Variants in RBFOX1 observed in about 807,000 individuals in gnomAD.
RBFOX1 encodes RNA binding protein fox-1 homolog 1.
A neutral mutation model predicts 57.7 loss-of-function variants in RBFOX1; 8 were observed. That is an observed-to-expected ratio of 0.14 (90% CI 0.08 to 0.25). The LOEUF is 0.25. RBFOX1 is among the 10% of genes least tolerant of loss of function. The probability of loss-of-function intolerance (pLI) is 1.00; values close to 1 mark genes in which losing one functional copy is unlikely to be tolerated. For missense variants in RBFOX1, 611 were observed against 548.5 expected (o/e 1.11, Z -1.14); for synonymous variants, 326 against 222.4 (o/e 1.47, Z -4.15).
At position 5,451,059 on chromosome 16, in the gene RBFOX1, C is replaced by T. The variant is rs536511901; in HGVS notation, c.220-16157C>T. Among the ~76,000 whole-genome samples, 17 of 152,282 alleles carry T rather than the reference C, an allele frequency of 1.1e-4. No homozygotes were observed. The East Asian group carries it at 3.1e-3, about 28-fold the overall frequency. ...CAGTGCCTGGTACAGAGTGGGCACTCGAGGAATGGCAGATATACACTCAAA... is the reference window on the plus strand; with the variant it reads ...CAGTGCCTGGTACAGAGTGGGCACTTGAGGAATGGCAGATATACACTCAAA... On this transcript the variant is annotated intron_variant, in intron 1 of 2. Coordinates refer to the RBFOX1 transcript ENST00000585867.
At chr16:6,756,973 CTCAA>C (rs2075889382) in intron 3 of RBFOX1, among the ~76,000 whole-genome samples, 1 of 123,488 alleles carries the variant, frequency 8.1e-6, no homozygotes, top group Non-Finnish European at 1.7e-5. Flanking sequence ...GAAACTCCAT[CTCAA>C]ACAAACAGAC....
At position 6,317,008 on chromosome 16, in the gene RBFOX1, G is replaced by T. The variant is rs907624145; in HGVS notation, c.-113G>T. Reference sequence around the variant, plus strand: ...TTTCTTCTTTAGGAAACTGGTCAAAGAACTCATGCAAGTGGAACTTACAGC... The same window carrying T: ...TTTCTTCTTTAGGAAACTGGTCAAATAACTCATGCAAGTGGAACTTACAGC... On this transcript the variant is annotated 5_prime_UTR_variant, in exon 2 of 16. Transcript: ENST00000550418. 4 of 1,535,384 alleles carry T rather than the reference G, an allele frequency of 2.6e-6. No individual in the cohort carries two copies. Among genetic ancestry groups the T allele is most frequent in the African/African-American group, 1.4e-5 (1 of 72,996 alleles).
chr16:6,999,457 C>T (rs1006039585), intron 3 of RBFOX1, among the ~76,000 whole-genome samples: 30 of 151,130 alleles, frequency 2.0e-4, no homozygotes, highest in East Asian at 3.9e-4. Context: ...TTATTTGAGA[C>T]GGAGTCTTGC....
chr16:7,101,395 T>C (rs892124254), intron 4 of RBFOX1, among the ~76,000 whole-genome samples: 10 of 152,198 alleles, frequency 6.6e-5, no homozygotes, highest in African/African-American at 2.2e-4. Flanking sequence ...AAGGAAACTC[T>C]TGGATTTCGT....
At chr16:6,959,469 G>T (rs1322136851) in intron 3 of RBFOX1, among the ~76,000 whole-genome samples, 1 of 152,084 alleles carries the variant, frequency 6.6e-6, no homozygotes, top group East Asian at 1.9e-4. Context: ...CTTGTTTCTA[G>T]GCCTGATCTC....
At chr16:5,876,055 G>A (rs1297052796) in intron 4 of RBFOX1, among the ~76,000 whole-genome samples, 1 of 152,076 alleles carries the variant, frequency 6.6e-6, no homozygotes, top group African/African-American at 2.4e-5. Context: ...GTGTTAGCCA[G>A]GGTAGTCTTG....
At chr16:6,320,228 G>A (rs116947993) in intron 2 of RBFOX1, among the ~76,000 whole-genome samples, 3,015 of 152,228 alleles carry the variant, frequency 0.02, 44 homozygotes, top group South Asian at 0.051. Context: ...TATCACACAG[G>A]AGATTAGACT....
At chr16:6,385,015 C>G (rs1004314115) in intron 2 of RBFOX1, among the ~76,000 whole-genome samples, 1 of 152,178 alleles carries the variant, frequency 6.6e-6, no homozygotes, top group Non-Finnish European at 1.5e-5. Flanking sequence ...AGCACCCCCT[C>G]CCTGTTTGCT....
At chr16:5,933,349 A>T (rs577168962) in intron 4 of RBFOX1, among the ~76,000 whole-genome samples, 1 of 152,130 alleles carries the variant, frequency 6.6e-6, no homozygotes, top group Non-Finnish European at 1.5e-5. Flanking sequence ...CCCTGAGGCA[A>T]ACTGAGGGCA....
chr16:7,580,047 C>A, intron 6 of RBFOX1, 127 bp downstream of exon 6: 1 of 1,017,414 alleles, frequency 9.8e-7, no homozygotes, highest in Non-Finnish European at 1.4e-6. Context: ...CAATTTAGAG[C>A]CTAGTCTGCA....
chr16:7,428,549 T>C (rs1237296151), intron 4 of RBFOX1, among the ~76,000 whole-genome samples: 1 of 145,814 alleles, frequency 6.9e-6, no homozygotes, highest in Non-Finnish European at 1.5e-5. Context: ...ATTTGTAGTT[T>C]TAGTAGAGAC....
chr16:7,593,619 C>G (rs1457298922), intron 7 of RBFOX1, among the ~76,000 whole-genome samples: 1 of 152,076 alleles, frequency 6.6e-6, no homozygotes, highest in Non-Finnish European at 1.5e-5. Context: ...ATACAGTTCA[C>G]CCTTGAACAA....
At chr16:7,236,127 T>A (rs2093753993) in intron 4 of RBFOX1, among the ~76,000 whole-genome samples, 1 of 152,220 alleles carries the variant, frequency 6.6e-6, no homozygotes, top group South Asian at 2.1e-4. Flanking sequence ...TTTTCTTGTT[T>A]GTGTCATATC....
intron 1 of RBFOX1, among the ~76,000 whole-genome samples, chr16:6,081,008 T>A (rs1221831706): frequency 2.0e-5 from 3 of 152,330 alleles, no homozygotes; most frequent in Non-Finnish European, 4.4e-5. Context: ...TGAAGCCTCC[T>A]GAGAGGGGAA....
intron 1 of RBFOX1, among the ~76,000 whole-genome samples, chr16:5,451,815 C>T (rs2068433157): frequency 6.6e-6 from 1 of 152,150 alleles, no homozygotes; most frequent in African/African-American, 2.4e-5. Context: ...CCAGCCCTTT[C>T]AAGTTTTACT....
intron 3 of RBFOX1, among the ~76,000 whole-genome samples, chr16:6,985,954 G>A (rs977207929): frequency 6.7e-6 from 1 of 149,824 alleles, no homozygotes; most frequent in Admixed American, 6.7e-5. Context: ...GAGTGATATA[G>A]AATAAGGCAC....
intron 4 of RBFOX1, among the ~76,000 whole-genome samples, chr16:7,367,983 A>G (rs538048215): frequency 6.6e-6 from 1 of 152,156 alleles, no homozygotes; most frequent in African/African-American, 2.4e-5. Flanking sequence ...CTCTAAAGAG[A>G]GAGCCAGGCA....
chr16:7,451,128 C>T (rs545851931), intron 4 of RBFOX1, among the ~76,000 whole-genome samples: 5 of 152,236 alleles, frequency 3.3e-5, no homozygotes, highest in South Asian at 2.1e-4. Context: ...GGAGAAGAAT[C>T]GTACTCAGAA....
intron 3 of RBFOX1, among the ~76,000 whole-genome samples, chr16:5,837,323 T>C (rs1288890414): frequency 6.6e-6 from 1 of 151,492 alleles, no homozygotes; most frequent in East Asian, 1.9e-4. Flanking sequence ...GCCCCAAGGG[T>C]CCTAGAATAA....
Sources: allele counts gnomAD v4.1 joint callset (sites outside exome capture counted in the v4.1 genomes callset), GRCh38; gene constraint gnomAD v4.1.1; transcripts MANE v1.5; gene names NCBI Gene and HGNC (gene_info 2026-07-23, HGNC 2026-07-21).